The following UXS1 variants were observed in gnomAD, a reference collection of about 807,000 sequenced individuals.
UXS1 encodes the protein UDP-glucuronate decarboxylase 1, also known as UDP-glucuronic acid decarboxylase 1.
Under a neutral mutation model 62.6 loss-of-function variants are expected in UXS1, and 33 were observed. That is an observed-to-expected ratio of 0.53 (90% CI 0.40 to 0.70). The LOEUF (loss-of-function observed/expected upper bound fraction) is 0.70. Among genes scored for constraint, UXS1 ranks in the 30% least tolerant of loss-of-function variants. The probability of loss-of-function intolerance (pLI) is 0.00; values close to 1 mark genes in which losing one functional copy is unlikely to be tolerated. For missense variants in UXS1, 434 were observed against 556.3 expected, an observed-to-expected ratio of 0.78 and a Z score of 2.21; for synonymous variants, 213 against 206.8, an observed-to-expected ratio of 1.03 and a Z score of -0.26.
chr2:106,152,807 T>C (rs886840767), intron 5 of UXS1, among the ~76,000 whole-genome samples: 4 of 151,842 alleles, frequency 2.6e-5, no homozygotes, highest in East Asian at 1.9e-4. Flanking sequence ...CTGAGAATAA[T>C]AGGATTCCAG....
chr2:106,153,836 G>A (rs1177124415), intron 5 of UXS1, among the ~76,000 whole-genome samples: 1 of 152,184 alleles, frequency 6.6e-6, no homozygotes, highest in Non-Finnish European at 1.5e-5. Context: ...AGTGTTCAAA[G>A]AACGAAAGGA....
At chr2:106,172,977 C>A (rs1218863953) in intron 1 of UXS1, among the ~76,000 whole-genome samples, 3 of 152,202 alleles carry the variant, frequency 2.0e-5, no homozygotes, top group African/African-American at 7.2e-5. Flanking sequence ...TAAAAGAGGT[C>A]TTCTGACCAA....
At chr2:106,161,675 T>TA (rs2105052519) in intron 4 of UXS1, among the ~76,000 whole-genome samples, 1 of 152,330 alleles carries the variant, frequency 6.6e-6, no homozygotes, top group East Asian at 1.9e-4. Flanking sequence ...GTTTAGCCAG[T>TA]AAGCAGTATT....
intron 5 of UXS1, among the ~76,000 whole-genome samples, chr2:106,153,761 C>G (rs890775930): frequency 6.6e-6 from 1 of 152,196 alleles, no homozygotes; most frequent in Non-Finnish European, 1.5e-5. Context: ...GACACCAAAG[C>G]AACCACTGTA....
At chr2:106,142,586 C>T (rs1233300786) in intron 6 of UXS1, among the ~76,000 whole-genome samples, 1 of 152,128 alleles carries the variant, frequency 6.6e-6, no homozygotes, top group African/African-American at 2.4e-5. Context: ...AGAATATGAT[C>T]AGTCTTGGAG....
intron 6 of UXS1, among the ~76,000 whole-genome samples, chr2:106,139,819 C>CA (rs1251879726): frequency 6.6e-6 from 1 of 152,180 alleles, no homozygotes; most frequent in East Asian, 1.9e-4. Flanking sequence ...CACTAAAACG[C>CA]AAAACAGTGG....
chr2:106,094,836 G>C (rs1676944725), intron 14 of UXS1, among the ~76,000 whole-genome samples: 1 of 152,220 alleles, frequency 6.6e-6, no homozygotes, highest in Admixed American at 6.5e-5. Flanking sequence ...GGCACCACTG[G>C]GGGAGAAGGT....
intron 12 of UXS1, among the ~76,000 whole-genome samples, chr2:106,100,338 G>C (rs756079123): frequency 1.1e-4 from 17 of 152,188 alleles, no homozygotes; most frequent in Non-Finnish European, 1.9e-4. Context: ...GGCAGCTTAG[G>C]GGGTAGGACC....
At chr2:106,180,184 A>G (rs1684153388) in intron 1 of UXS1, among the ~76,000 whole-genome samples, 1 of 152,252 alleles carries the variant, frequency 6.6e-6, no homozygotes, top group Non-Finnish European at 1.5e-5. Context: ...AACCATTTAC[A>G]TTTTAAAAGC....
intron 10 of UXS1, among the ~76,000 whole-genome samples, chr2:106,111,122 AG>A (rs1678566091): frequency 6.6e-6 from 1 of 152,194 alleles, no homozygotes; most frequent in Admixed American, 6.5e-5. Flanking sequence ...GAGAGTACAC[AG>A]GACAGGGAGA....
intron 5 of UXS1, among the ~76,000 whole-genome samples, chr2:106,154,520 G>A (rs1013745419): frequency 6.6e-6 from 1 of 152,148 alleles, no homozygotes; most frequent in Non-Finnish European, 1.5e-5. Context: ...GCCTCTACCA[G>A]CCAAAGAACA....
chr2:106,141,389 G>C (rs1283543865), intron 6 of UXS1, among the ~76,000 whole-genome samples: 1 of 152,204 alleles, frequency 6.6e-6, no homozygotes, highest in East Asian at 1.9e-4. Context: ...ATCAACAGCT[G>C]TTTCCTGAGG....
intron 6 of UXS1, among the ~76,000 whole-genome samples, chr2:106,142,792 A>C (rs1295802616): frequency 6.6e-6 from 1 of 152,238 alleles, no homozygotes; most frequent in Non-Finnish European, 1.5e-5. Context: ...GAGGCAGAGA[A>C]GCATCTTATG....
rs545257535 is a variant in UXS1 at position 106,137,907 on chromosome 2, G to A, written c.472+7283C>T. On this transcript the variant is annotated intron_variant, in intron 6 of 14. Transcript: ENST00000283148. Reference sequence around the variant, plus strand: ...GAGCCCGCTCAGGTGTGCTAGACCTGGAGCCTGCTGCCACCTGACTTATAC... The same window carrying A: ...GAGCCCGCTCAGGTGTGCTAGACCTAGAGCCTGCTGCCACCTGACTTATAC... Among the ~76,000 whole-genome samples, 7 of 152,292 alleles carry A rather than the reference G, an allele frequency of 4.6e-5. No homozygotes were observed. The East Asian group carries it at 5.8e-4, about 13-fold the overall frequency.
chr2:106,139,749 T>C (rs2104975963), intron 6 of UXS1, among the ~76,000 whole-genome samples: 1 of 152,342 alleles, frequency 6.6e-6, no homozygotes, highest in East Asian at 1.9e-4. Flanking sequence ...ACACCCATGC[T>C]GTATGAAACT....
intron 1 of UXS1, among the ~76,000 whole-genome samples, chr2:106,187,176 T>C (rs937263757): frequency 5.3e-5 from 8 of 152,304 alleles, no homozygotes; most frequent in African/African-American, 1.7e-4. Context: ...GTAGAAAAGA[T>C]AGAAAATCTG....
chr2:106,127,504 C>G (rs1006900223), intron 7 of UXS1, among the ~76,000 whole-genome samples: 1 of 152,152 alleles, frequency 6.6e-6, no homozygotes, highest in African/African-American at 2.4e-5. Flanking sequence ...GAATGACTCA[C>G]GCAGGATCTA....
At chr2:106,102,396 C>T (rs754965618) in intron 11 of UXS1, 5 of 152,136 alleles carry the variant, frequency 3.3e-5, no homozygotes, top group African/African-American at 7.2e-5. Context: ...AAGGGTGACT[C>T]TCAGGCAGTC....
intron 4 of UXS1, chr2:106,160,737 A>G (rs1213146921): frequency 6.6e-6 from 1 of 152,256 alleles, no homozygotes; most frequent in Non-Finnish European, 1.5e-5. Flanking sequence ...GAACTGAAGC[A>G]AAGGCATGGT....
Sources: allele counts gnomAD v4.1 joint callset (sites outside exome capture counted in the v4.1 genomes callset), GRCh38; gene constraint gnomAD v4.1.1; transcripts MANE v1.5; gene names NCBI Gene and HGNC (gene_info 2026-07-23, HGNC 2026-07-21).